The following RIMS1 variants were observed in gnomAD, a reference collection of about 807,000 sequenced individuals.
RIMS1 encodes regulating synaptic membrane exocytosis 1, also known as regulating synaptic membrane exocytosis protein 1.
RIMS1 carries 83 observed loss-of-function variants against 214.1 expected under a neutral mutation model. The ratio of observed to expected loss-of-function variants is 0.39; its 90% CI spans 0.32 to 0.47. The LOEUF is 0.47. Among genes scored for constraint, RIMS1 ranks in the 20% least tolerant of loss-of-function variants. RIMS1 has a pLI of 0.99. For synonymous variants in RIMS1, 793 were observed against 786.8 expected (o/e 1.01, Z -0.13); for missense variants, 2,050 against 2,161.8 (o/e 0.95, Z 1.03).
intron 6 of RIMS1, chr6:72,213,191 G>T: frequency 1.3e-6 from 2 of 1,536,586 alleles, no homozygotes; most frequent in Non-Finnish European, 1.7e-6. Context: ...ATTCCGAAGA[G>T]GGAACAATTG....
At chr6:72,294,393 G>GC (rs1330292902) in intron 26 of RIMS1, among the ~76,000 whole-genome samples, 1 of 151,556 alleles carries the variant, frequency 6.6e-6, no homozygotes, top group Non-Finnish European at 1.5e-5. Flanking sequence ...AATTGGTTAA[G>GC]CCCCTACTGC....
chr6:72,300,755 A>G (rs143167862), intron 26 of RIMS1, among the ~76,000 whole-genome samples: 18 of 151,908 alleles, frequency 1.2e-4, no homozygotes, highest in South Asian at 1.0e-3. Context: ...TTACTTGCCA[A>G]TGACTAGTAT....
intron 1 of RIMS1, among the ~76,000 whole-genome samples, chr6:71,968,148 T>A (rs1175019036): frequency 6.6e-6 from 1 of 152,218 alleles, no homozygotes; most frequent in Non-Finnish European, 1.5e-5. Context: ...CAAAGCCATG[T>A]TTATTTTAAA....
intron 1 of RIMS1, among the ~76,000 whole-genome samples, chr6:71,964,914 GC>G (rs1794010497): frequency 6.6e-6 from 1 of 152,000 alleles, no homozygotes; most frequent in Non-Finnish European, 1.5e-5. Context: ...CAGCTACAGA[GC>G]CCCTGAAGTC....
chr6:72,309,089 G>A (rs1361369489), intron 27 of RIMS1, among the ~76,000 whole-genome samples: 1 of 152,086 alleles, frequency 6.6e-6, no homozygotes, highest in African/African-American at 2.4e-5. Context: ...AGAACAGCAA[G>A]GAGAGGTAGA....
At chr6:72,254,281 A>G (rs1320576566) in intron 16 of RIMS1, among the ~76,000 whole-genome samples, 2 of 152,198 alleles carry the variant, frequency 1.3e-5, no homozygotes, top group Non-Finnish European at 2.9e-5. Context: ...TCAGTGTATC[A>G]GTGAGAGATT....
Position 72,400,591 on chromosome 6 carries a change from G to C in RIMS1, c.4956G>C (p.Val1652=). 6.2e-7 allele frequency: 1 copy of C among 1,613,914 alleles called. No homozygotes were observed. The highest frequency in any genetic ancestry group is 1.3e-5 in the African/African-American group (1 of 75,012). ...AAGAACTCGACCTGTCCAGCATGGT[G>C]ATCGGATGGTACAAATTGTTCCCAC... ...LLEELDLSSM[V]IGWYKLFPPS... The change falls in exon 34 of 34, where the codon GTG becomes GTC. Residue 1652 remains valine (V), a synonymous_variant. Transcript: ENST00000521978.
intron 4 of RIMS1, among the ~76,000 whole-genome samples, chr6:72,117,750 T>C (rs1443857229): frequency 6.6e-6 from 1 of 151,958 alleles, no homozygotes; most frequent in Admixed American, 6.6e-5. Flanking sequence ...ACACAACTTA[T>C]CAAAACCTCT....
At chr6:72,081,545 CTTTTT>C (rs1190960163) in intron 2 of RIMS1, among the ~76,000 whole-genome samples, 2 of 151,154 alleles carry the variant, frequency 1.3e-5, no homozygotes, top group Admixed American at 1.3e-4. Flanking sequence ...CATTATGACA[CTTTTT>C]TTTTAGTATC....
At chr6:71,938,503 AT>A (rs1562235979) in intron 1 of RIMS1, among the ~76,000 whole-genome samples, 1 of 152,206 alleles carries the variant, frequency 6.6e-6, no homozygotes, top group Non-Finnish European at 1.5e-5. Context: ...TGCCTGAAAA[AT>A]TAGCACCACA....
At chr6:72,342,179 T>G (rs2097114553) in intron 29 of RIMS1, among the ~76,000 whole-genome samples, 1 of 151,856 alleles carries the variant, frequency 6.6e-6, no homozygotes. Context: ...AATTCCTAAA[T>G]AGAGCTCTCT....
At chr6:72,252,679 T>A in intron 15 of RIMS1, 82 bp from the exon 16 acceptor site, 1 of 1,146,108 alleles carries the variant, frequency 8.7e-7, no homozygotes, top group Non-Finnish European at 1.3e-6. Context: ...CAATTCACTT[T>A]TTAAAAAAAG....
intron 2 of RIMS1, among the ~76,000 whole-genome samples, chr6:71,986,616 T>C (rs1800045664): frequency 6.6e-6 from 1 of 152,212 alleles, no homozygotes; most frequent in African/African-American, 2.4e-5. Flanking sequence ...ATTTGGGCAA[T>C]GGAGTTGATG....
chr6:72,260,860 A>G (rs2077666678), intron 19 of RIMS1, 93 bp downstream of exon 19: 1 of 1,550,908 alleles, frequency 6.4e-7, no homozygotes, highest in Non-Finnish European at 8.7e-7. Flanking sequence ...TATTATTACA[A>G]GCAAGTCAAA....
chr6:71,936,346 A>AAAAAAAGAAAAG (rs1784458291), intron 1 of RIMS1, among the ~76,000 whole-genome samples: 1 of 145,490 alleles, frequency 6.9e-6, no homozygotes, highest in African/African-American at 2.5e-5. Flanking sequence ...AAAAAAAAAA[A>AAAAAAAGAAAAG]AAAAAAGAAA....
At chr6:71,953,508 G>C (rs1237566745) in intron 1 of RIMS1, among the ~76,000 whole-genome samples, 1 of 152,014 alleles carries the variant, frequency 6.6e-6, no homozygotes, top group African/African-American at 2.4e-5. Context: ...TTAAGCAGGG[G>C]GGAAAAAGCA....
intron 6 of RIMS1, among the ~76,000 whole-genome samples, chr6:72,213,751 T>C (rs888068893): frequency 2.0e-5 from 3 of 152,166 alleles, no homozygotes; most frequent in African/African-American, 7.2e-5. Flanking sequence ...TTTTCACAAA[T>C]GCAGGCCTTG....
chr6:72,382,205 T>C (rs150674190), intron 29 of RIMS1, among the ~76,000 whole-genome samples: 1 of 152,346 alleles, frequency 6.6e-6, no homozygotes, highest in East Asian at 1.9e-4. Flanking sequence ...AAGAACCTTG[T>C]GCCATTTTCT....
chr6:72,320,860 AT>A (rs1348502604), intron 28 of RIMS1, among the ~76,000 whole-genome samples: 3 of 152,086 alleles, frequency 2.0e-5, no homozygotes, highest in African/African-American at 7.2e-5. Context: ...ACTACTCTTG[AT>A]ATATGTTCAA....
Sources: allele counts gnomAD v4.1 joint callset (sites outside exome capture counted in the v4.1 genomes callset), GRCh38; gene constraint gnomAD v4.1.1; transcripts MANE v1.5; gene names NCBI Gene and HGNC (gene_info 2026-07-23, HGNC 2026-07-21).